PDE4DIP: variants seen among roughly 807,000 people sequenced by gnomAD.
PDE4DIP encodes phosphodiesterase 4D interacting protein, also known as myomegalin.
Under a neutral mutation model 221.4 loss-of-function variants are expected in PDE4DIP, and 59 were observed. That is an observed-to-expected ratio of 0.27 (90% CI 0.22 to 0.33). The LOEUF is 0.33. Ranked by LOEUF, PDE4DIP falls within the 10% of genes least tolerant of loss-of-function variation. The probability of loss-of-function intolerance (pLI) is 1.00; values close to 1 mark genes in which losing one functional copy is unlikely to be tolerated. For missense variants in PDE4DIP, 1,036 were observed against 2,154.2 expected (o/e 0.48, Z 10.28); for synonymous variants, 404 against 815.9 (o/e 0.50, Z 8.60).
At chr1:148,864,167 G>A (rs12124633) in intron 2 of PDE4DIP, among the ~76,000 whole-genome samples, 14 of 116,626 alleles carry the variant, frequency 1.2e-4, no homozygotes, top group South Asian at 1.1e-3. Context: ...TCTTGAACCC[G>A]GAAGGCAGAG....
chr1:148,923,796 G>T (rs1470463132), intron 1 of PDE4DIP, among the ~76,000 whole-genome samples: 1 of 146,160 alleles, frequency 6.8e-6, no homozygotes, highest in Non-Finnish European at 1.5e-5. Flanking sequence ...ATCAGACATT[G>T]TGCTGGGTAC....
intron 1 of PDE4DIP, among the ~76,000 whole-genome samples, chr1:148,813,193 G>A (rs1404735343): frequency 1.4e-5 from 1 of 70,960 alleles, no homozygotes; most frequent in Non-Finnish European, 3.3e-5. Flanking sequence ...ATTCCCACTA[G>A]CAATGTATGA....
chr1:149,005,598 A>T, intron 27 of PDE4DIP, among the ~76,000 whole-genome samples, 161 bp downstream of exon 30: 1 of 152,078 alleles, frequency 6.6e-6, no homozygotes, highest in South Asian at 2.1e-4. Flanking sequence ...CAGGTAGGCA[A>T]CCAGGAGGGC....
intron 5 of PDE4DIP, among the ~76,000 whole-genome samples, chr1:148,954,373 A>G (rs1157434458): frequency 2.0e-5 from 3 of 152,060 alleles, no homozygotes; most frequent in Non-Finnish European, 4.4e-5. Context: ...TTCATCCGCA[A>G]AATGCCTGTA....
intron 29 of PDE4DIP, 91 bp downstream of exon 32, chr1:149,008,586 CAA>C (rs1434575608): frequency 8.2e-6 from 3 of 366,378 alleles, no homozygotes; most frequent in African/African-American, 2.3e-5. Context: ...GGGAATAAAG[CAA>C]AGTGCTGAAT....
At chr1:148,981,132 AT>A in intron 20 of PDE4DIP, 137 bp from the exon 24 acceptor site, 1 of 757,026 alleles carries the variant, frequency 1.3e-6, no homozygotes, top group Non-Finnish European at 2.2e-6. Flanking sequence ...GACTACATTC[AT>A]TTATTGTGTC....
intron 5 of PDE4DIP, chr1:148,939,913 T>C (rs1381903459): frequency 2.0e-5 from 3 of 152,196 alleles, no homozygotes; most frequent in Non-Finnish European, 2.9e-5. Context: ...ATAATCTCTA[T>C]AGTTTCCTAT....
At chr1:148,817,930 T>C (rs1370241424) in intron 1 of PDE4DIP, among the ~76,000 whole-genome samples, 6 of 142,342 alleles carry the variant, frequency 4.2e-5, no homozygotes, top group Admixed American at 1.4e-4. Context: ...AATTCTCCTG[T>C]CTCAGCCTCC....
At chr1:148,922,599 CTTAT>C (rs1262147113) in intron 1 of PDE4DIP, among the ~76,000 whole-genome samples, 5 of 147,504 alleles carry the variant, frequency 3.4e-5, no homozygotes, top group African/African-American at 1.2e-4. Flanking sequence ...TATTTATCTA[CTTAT>C]TTGAGATGGA....
chr1:148,971,950 GT>G (rs60006146), intron 14 of PDE4DIP, among the ~76,000 whole-genome samples: 6 of 127,830 alleles, frequency 4.7e-5, no homozygotes, highest in African/African-American at 1.2e-4. Flanking sequence ...GTTAAATTCA[GT>G]TTTTTTTCCC....
chr1:148,960,928 G>A, intron 6 of PDE4DIP, 143 bp downstream of exon 9: 2 of 635,656 alleles, frequency 3.1e-6, no homozygotes, highest in South Asian at 2.2e-5. Context: ...TCATGTAAAA[G>A]TGTAGTTCTT....
intron 43 of PDE4DIP, chr1:149,030,742 A>C: frequency 2.3e-5 from 23 of 985,376 alleles, no homozygotes; most frequent in Non-Finnish European, 2.8e-5. Context: ...AAGAACAGCA[A>C]TTTGATTTTG....
exon 18 of PDE4DIP, chr1:148,978,028 T>C (rs782147793): frequency 1.4e-5 from 23 of 1,613,872 alleles, no homozygotes; most frequent in Non-Finnish European, 8.5e-7. Context: ...ACCAGGAACA[T>C]ACAGATTAAA....
At chr1:148,980,670 G>C (rs1223405815) in intron 20 of PDE4DIP, among the ~76,000 whole-genome samples, 9 of 151,512 alleles carry the variant, frequency 5.9e-5, no homozygotes, top group Non-Finnish European at 1.3e-4. Context: ...TTGCTATTCA[G>C]TTTCTTGTAA....
At chr1:149,005,134 T>C in exon 27 of PDE4DIP, 2 of 1,614,010 alleles carry the variant, frequency 1.2e-6, no homozygotes, top group Non-Finnish European at 1.7e-6. Flanking sequence ...GCCAACAAGG[T>C]CATTCAAAAC....
At chr1:149,013,386 C>T (rs1200431020) in intron 32 of PDE4DIP, among the ~76,000 whole-genome samples, 1 of 111,536 alleles carries the variant, frequency 9.0e-6, no homozygotes, top group Non-Finnish European at 1.8e-5. Context: ...CTGTGAATCC[C>T]ATCCTCTGAC....
chr1:149,028,650 T>C (rs779404906), exon 41 of PDE4DIP: 15 of 1,601,468 alleles, frequency 9.4e-6, no homozygotes, highest in Non-Finnish European at 1.2e-5. Context: ...CCTCACCATG[T>C]TCTGGAGAGC....
chr1:148,971,074 A>G (rs587731945), intron 14 of PDE4DIP, among the ~76,000 whole-genome samples: 8 of 152,124 alleles, frequency 5.3e-5, no homozygotes, highest in Non-Finnish European at 1.0e-4. Context: ...CCTGTGCATT[A>G]ATAGTTAAAA....
chr1:148,963,137 C>T (rs1362142149), intron 9 of PDE4DIP, among the ~76,000 whole-genome samples: 2 of 152,138 alleles, frequency 1.3e-5, no homozygotes, highest in Non-Finnish European at 2.9e-5. Flanking sequence ...CGTGATCTGC[C>T]CACCTTGGCC....
Sources: allele counts gnomAD v4.1 joint callset (sites outside exome capture counted in the v4.1 genomes callset), GRCh38; gene constraint gnomAD v4.1.1; transcripts MANE v1.5; gene names NCBI Gene and HGNC (gene_info 2026-07-23, HGNC 2026-07-21).